The following ZCCHC7 variants were observed in gnomAD, a reference collection of about 807,000 sequenced individuals.
ZCCHC7 encodes the protein zinc finger CCHC-type containing 7.
Under a neutral mutation model 52.0 loss-of-function variants are expected in ZCCHC7, and 35 were observed. The observed-to-expected ratio is 0.67, with a 90% confidence interval of 0.51 to 0.89. The LOEUF (loss-of-function observed/expected upper bound fraction) is 0.89. ZCCHC7 is among the 40% of genes least tolerant of loss of function. The probability of loss-of-function intolerance (pLI) is 0.00; values close to 1 mark genes in which losing one functional copy is unlikely to be tolerated. For missense variants in ZCCHC7, 574 were observed against 649.1 expected, an observed-to-expected ratio of 0.88 and a Z score of 1.26; for synonymous variants, 217 against 221.5, an observed-to-expected ratio of 0.98 and a Z score of 0.18.
intron 2 of ZCCHC7, among the ~76,000 whole-genome samples, chr9:37,193,313 C>T (rs185289266): frequency 1.1e-4 from 17 of 152,036 alleles, no homozygotes; most frequent in Non-Finnish European, 4.4e-5. Context: ...AAATTTCTGA[C>T]GGTTATTAGT....
rs1321679334 is a variant in ZCCHC7 at position 37,160,897 on chromosome 9, A to G, written c.610+33955A>G. ...GCGAAACTCCATCTCAAAAAAAACC[A>G]AAAAACTGTATGTTCTTAATCTCTA... On this transcript the variant is annotated intron_variant, in intron 2 of 8. Transcript: ENST00000336755. Among the ~76,000 whole-genome samples, 3 of 152,030 alleles carry G rather than the reference A, an allele frequency of 2.0e-5. No individual in the cohort carries two copies. In the East Asian group the frequency reaches 5.8e-4, roughly 29 times the overall value.
chr9:37,148,412 A>T (rs538771262), intron 2 of ZCCHC7, among the ~76,000 whole-genome samples: 25 of 152,186 alleles, frequency 1.6e-4, no homozygotes, highest in Admixed American at 1.4e-3. Flanking sequence ...GGAGATAAGG[A>T]TATATCATGT....
intron 2 of ZCCHC7, among the ~76,000 whole-genome samples, chr9:37,234,889 T>C (rs1254501283): frequency 6.6e-6 from 1 of 152,232 alleles, no homozygotes; most frequent in East Asian, 1.9e-4. Flanking sequence ...TTACCTGCAG[T>C]GTCATTTAAT....
intron 2 of ZCCHC7, among the ~76,000 whole-genome samples, chr9:37,286,573 C>G (rs142736891): frequency 6.6e-6 from 1 of 151,394 alleles, no homozygotes; most frequent in Non-Finnish European, 1.5e-5. Context: ...TGCTTGAGTC[C>G]GGGAGTCTGA....
chr9:37,267,566 C>CT (rs983055913), intron 2 of ZCCHC7, among the ~76,000 whole-genome samples: 2,199 of 115,270 alleles, frequency 0.019, 41 homozygotes, highest in East Asian at 0.046. Context: ...CTAATTTTTT[C>CT]TTTTTTTTTT....
intron 2 of ZCCHC7, chr9:37,205,344 CTT>C: frequency 1.2e-5 from 2 of 166,126 alleles, no homozygotes; most frequent in Non-Finnish European, 2.6e-5. Context: ...AAGAACAACT[CTT>C]TTCTAAAAGG....
chr9:37,244,740 G>C (rs545410344), intron 2 of ZCCHC7, among the ~76,000 whole-genome samples: 83 of 151,992 alleles, frequency 5.5e-4, no homozygotes, highest in African/African-American at 1.9e-3. Flanking sequence ...GTTCTACCAT[G>C]ATTGATCAGT....
chr9:37,197,314 TTGTC>T (rs774195012), intron 2 of ZCCHC7, among the ~76,000 whole-genome samples: 1 of 152,294 alleles, frequency 6.6e-6, no homozygotes. Context: ...AGACCTGACA[TTGTC>T]TGTGAGCTTT....
chr9:37,176,052 GTTTTTGTT>G (rs1408616125), intron 2 of ZCCHC7, among the ~76,000 whole-genome samples: 3 of 147,074 alleles, frequency 2.0e-5, no homozygotes, highest in African/African-American at 7.4e-5. Context: ...AGCCTCATTT[GTTTTTGTT>G]TGTTTGTTTG....
chr9:37,183,976 C>G (rs1477211581), intron 2 of ZCCHC7, among the ~76,000 whole-genome samples: 1 of 152,186 alleles, frequency 6.6e-6, no homozygotes, highest in Non-Finnish European at 1.5e-5. Flanking sequence ...CCTTGAGCCC[C>G]TCCTTTCCCT....
chr9:37,264,591 CTAACT>C (rs1258414055), intron 2 of ZCCHC7, among the ~76,000 whole-genome samples: 3 of 152,234 alleles, frequency 2.0e-5, no homozygotes, highest in East Asian at 3.9e-4. Flanking sequence ...TTGTGGCTTC[CTAACT>C]TAACTTCAGA....
intron 1 of ZCCHC7, among the ~76,000 whole-genome samples, chr9:37,125,356 C>T (rs914005945): frequency 2.6e-5 from 4 of 152,258 alleles, no homozygotes; most frequent in Admixed American, 2.6e-4. Context: ...TGGGGTCTTA[C>T]TGTGTTGCCC....
intron 2 of ZCCHC7, among the ~76,000 whole-genome samples, chr9:37,194,370 G>A (rs1364464411): frequency 6.6e-6 from 1 of 152,108 alleles, no homozygotes; most frequent in Non-Finnish European, 1.5e-5. Flanking sequence ...AGTAGCAACG[G>A]CCTTGCAACT....
chr9:37,248,224 G>GA (rs565555147), intron 2 of ZCCHC7, among the ~76,000 whole-genome samples: 400 of 152,252 alleles, frequency 2.6e-3, no homozygotes, highest in Non-Finnish European at 4.7e-3. Context: ...GAGGTAGTCA[G>GA]AACAGGTATT....
At chr9:37,183,323 A>G (rs931284330) in intron 2 of ZCCHC7, among the ~76,000 whole-genome samples, 4 of 152,210 alleles carry the variant, frequency 2.6e-5, no homozygotes, top group African/African-American at 9.7e-5. Flanking sequence ...ATATTAGTTC[A>G]CCTTTCAAAA....
chr9:37,228,749 A>G (rs1825245612), intron 2 of ZCCHC7, among the ~76,000 whole-genome samples: 1 of 151,890 alleles, frequency 6.6e-6, no homozygotes, highest in Non-Finnish European at 1.5e-5. Context: ...GAATGCTTAT[A>G]TGAATATATT....
intron 1 of ZCCHC7, among the ~76,000 whole-genome samples, chr9:37,123,908 GAAGGACAGTGCAAC>G (rs911519102): frequency 5.9e-5 from 9 of 152,172 alleles, no homozygotes; most frequent in African/African-American, 2.2e-4. Flanking sequence ...ATAGCCACCT[GAAGGACAGTGCAAC>G]AAGGGCACAG....
intron 2 of ZCCHC7, among the ~76,000 whole-genome samples, chr9:37,199,981 C>T (rs1225530985): frequency 6.6e-6 from 1 of 152,210 alleles, no homozygotes; most frequent in East Asian, 1.9e-4. Context: ...GCTGGGATTA[C>T]AGGCGTGAGC....
rs1419259036 is a variant in ZCCHC7, at chr9:37,218,646, T to TAAAAATA, written c.611-83541_611-83535dup. ...CAACATGGTGAAACCCTGTCTCTACTAAAAATACAAAAATTAGCTGGGCGT... is the reference window on the plus strand; with the variant it reads ...CAACATGGTGAAACCCTGTCTCTACTAAAAATAAAAAATACAAAAATTAGCTGGGCGT... On this transcript the variant is annotated intron_variant, in intron 2 of 8. Coordinates refer to ENST00000336755, the MANE Select transcript of ZCCHC7 (RefSeq NM_032226.3). Among the ~76,000 whole-genome samples, 5 of 152,082 alleles carry TAAAAATA rather than the reference T, an allele frequency of 3.3e-5. No individual in the cohort carries two copies. The East Asian group carries it at 9.6e-4, about 29-fold the overall frequency.
Sources: gnomAD v4.1 joint callset for allele counts (sites outside exome capture counted in the v4.1 genomes callset) on GRCh38, gnomAD v4.1.1 for gene constraint, MANE v1.5 for transcripts, NCBI Gene and HGNC (gene_info 2026-07-23, HGNC 2026-07-21) for gene names.